The following ZFP91 variants were observed in gnomAD, a reference collection of about 807,000 sequenced individuals.
The protein encoded by ZFP91 is ZFP91 zinc finger protein, atypical E3 ubiquitin ligase.
A neutral mutation model predicts 63.5 loss-of-function variants in ZFP91; 7 were observed. The observed-to-expected ratio is 0.11, with a 90% CI of 0.06 to 0.21. The LOEUF is 0.21. ZFP91 is among the 10% of genes least tolerant of loss of function. The pLI is 1.00. For missense variants in ZFP91, 628 were observed against 736.6 expected (o/e 0.85, Z 1.71); for synonymous variants, 330 against 272.1 (o/e 1.21, Z -2.10).
chr11:58,582,409 G>C (rs1451080240), intron 1 of ZFP91, among the ~76,000 whole-genome samples: 1 of 152,154 alleles, frequency 6.6e-6, no homozygotes, highest in Non-Finnish European at 1.5e-5. Context: ...GGTTTATTCT[G>C]TATTACTTAC....
intron 2 of ZFP91, among the ~76,000 whole-genome samples, chr11:58,592,908 G>A (rs1416378893): frequency 1.3e-5 from 2 of 152,124 alleles, no homozygotes; most frequent in East Asian, 1.9e-4. Flanking sequence ...GGAAGCTTTC[G>A]CTTGTGGTGG....
At chr11:58,602,648 A>G (rs1011252373) in intron 2 of ZFP91, among the ~76,000 whole-genome samples, 4 of 152,210 alleles carry the variant, frequency 2.6e-5, no homozygotes, top group African/African-American at 9.6e-5. Context: ...TTGAAGTCTT[A>G]ACTCAGGTAC....
At position 58,612,756 on chromosome 11, in the gene ZFP91, T is replaced by C; in HGVS notation, c.909-6T>C. 1 of 1,601,064 alleles carries C rather than the reference T, an allele frequency of 6.2e-7. No individual in the cohort carries two copies. The highest frequency in any genetic ancestry group is 8.5e-7 in the Non-Finnish European group (1 of 1,175,918). ...TGCTAACTTTTCTTCTGCATTTTGA[T>C]AATAGAAAAAAGCCTCCAATCCAGT... On this transcript the variant is annotated splice_region_variant and splice_polypyrimidine_tract_variant and intron_variant, in intron 7 of 10. Transcript: ENST00000316059.
rs1470750361 is a variant in ZFP91 at position 58,611,679 on chromosome 11, A to G, written c.798A>G (p.Val266=). The part of the protein sequence containing the change: ...EKEKKEIKVE[V]EVEVKEEENE... ...AGAAGAAGGAAATTAAAGTGGAAGT[A>G]GAGGTGGAGGTGAAAGAAGAGGAGA... Residue 266 remains valine, a synonymous_variant, in exon 6 of 11, where the codon GTA becomes GTG. Transcript: ENST00000316059. The G allele has an allele frequency of 1.2e-6, 2 of 1,612,444 alleles. No individual in the cohort carries two copies. Among genetic ancestry groups the G allele is most frequent in the Non-Finnish European group, 1.7e-6 (2 of 1,179,176 alleles).
chr11:58,580,421 T>G (rs867874613), intron 1 of ZFP91, among the ~76,000 whole-genome samples: 7 of 152,226 alleles, frequency 4.6e-5, no homozygotes, highest in Non-Finnish European at 8.8e-5. Context: ...ATAATACTCA[T>G]GTTAAGAATA....
chr11:58,586,337 C>T (rs981322986), intron 2 of ZFP91, among the ~76,000 whole-genome samples: 16 of 152,096 alleles, frequency 1.1e-4, no homozygotes, highest in Admixed American at 3.3e-4. Context: ...TTTGGGTAGA[C>T]GTCTTTTTTT....
Position 58,579,294 on chromosome 11 carries a change from A to T in ZFP91, c.13A>T (p.Thr5Ser). The change falls in exon 1 of 11, where the codon ACG becomes TCG. Residue 5 changes from threonine (T) to serine (S), a missense_variant. By Grantham distance (58) the Thr-to-Ser change is moderately conservative. Coordinates refer to ENST00000316059, the MANE Select transcript of ZFP91 (RefSeq NM_053023.5). Reference sequence around the variant, plus strand: ...CGGACAAGCCCCGATGCCGGGGGAGACGGAAGAGCCGAGACCCCCGGAGCA... The same window carrying T: ...CGGACAAGCCCCGATGCCGGGGGAGTCGGAAGAGCCGAGACCCCCGGAGCA... MPGE[T>S]EEPRPPEQQD... The T allele has an allele frequency of 2.1e-6, 3 of 1,461,796 alleles. No homozygotes were observed. The highest frequency in any genetic ancestry group is 2.7e-6 in the Non-Finnish European group (3 of 1,114,106). The allele number at this position is 1,461,796 out of a possible 1,614,324, so 90.6% of individuals were successfully genotyped here. A position where few individuals can be genotyped will look rare whatever the true frequency, so the allele number is the denominator to read the frequency against.
chr11:58,612,469 A>G, intron 7 of ZFP91, 141 bp downstream of exon 7: 3 of 745,116 alleles, frequency 4.0e-6, no homozygotes, highest in Non-Finnish European at 6.6e-6. Flanking sequence ...TCCTAGATGC[A>G]CAGGTGTTAT....
At chr11:58,594,176 T>C (rs1434196432) in intron 2 of ZFP91, among the ~76,000 whole-genome samples, 3 of 152,206 alleles carry the variant, frequency 2.0e-5, no homozygotes, top group Non-Finnish European at 2.9e-5. Context: ...CTTGTTAGAC[T>C]TTTTTATGCC....
intron 2 of ZFP91, among the ~76,000 whole-genome samples, chr11:58,604,734 C>A (rs983550924): frequency 6.6e-6 from 1 of 152,192 alleles, no homozygotes; most frequent in East Asian, 1.9e-4. Flanking sequence ...ATTATGAGTT[C>A]TTTTTTAAAT....
rs1214970690 is a variant in ZFP91 at position 58,579,294 on chromosome 11, A to G, written c.13A>G (p.Thr5Ala). The change falls in exon 1 of 11, where the codon ACG becomes GCG. Residue 5 changes from threonine to alanine, a missense_variant. Physicochemically the swap from Thr to Ala is moderately conservative, Grantham distance 58. Transcript: ENST00000316059. ...CGGACAAGCCCCGATGCCGGGGGAG[A>G]CGGAAGAGCCGAGACCCCCGGAGCA... MPGE[T>A]EEPRPPEQQD... 17 of 1,461,682 alleles carry G rather than the reference A, an allele frequency of 1.2e-5. No homozygotes were observed. The highest frequency in any genetic ancestry group is 2.7e-5 in the Admixed American group (1 of 36,524). 90.5% of individuals were successfully genotyped at this position (1,461,682 alleles called of 1,614,324 possible).
intron 6 of ZFP91, 99 bp from the exon 7 acceptor site, chr11:58,612,179 T>A: frequency 8.1e-7 from 1 of 1,239,208 alleles, no homozygotes; most frequent in Non-Finnish European, 1.1e-6. Context: ...CTTTGCCACT[T>A]GTTCTTTGGC....
At chr11:58,597,481 C>A (rs948877975) in intron 2 of ZFP91, among the ~76,000 whole-genome samples, 4 of 152,156 alleles carry the variant, frequency 2.6e-5, no homozygotes, top group Non-Finnish European at 5.9e-5. Context: ...GAAGCTGTTT[C>A]TCCTATTATC....
At chr11:58,604,077 A>G (rs919807848) in intron 2 of ZFP91, among the ~76,000 whole-genome samples, 1 of 152,214 alleles carries the variant, frequency 6.6e-6, no homozygotes, top group African/African-American at 2.4e-5. Context: ...TTGGAAGGAC[A>G]TAAATTTTAG....
At chr11:58,613,681 GT>G (rs1855703916) in intron 8 of ZFP91, among the ~76,000 whole-genome samples, 1 of 152,010 alleles carries the variant, frequency 6.6e-6, no homozygotes, top group Admixed American at 6.6e-5. Flanking sequence ...TTTAGTTGAG[GT>G]TTTGTTTTTA....
At chr11:58,582,136 TAGAA>T (rs1855127719) in intron 1 of ZFP91, among the ~76,000 whole-genome samples, 2 of 152,128 alleles carry the variant, frequency 1.3e-5, no homozygotes, top group African/African-American at 4.8e-5. Flanking sequence ...AACTAGGTGG[TAGAA>T]AGAAAAATGA....
chr11:58,618,597 T>G lies in ZFP91; in HGVS notation c.*891T>G. ...TCTGATTTTTTTTTTTTGGAGTCTT[T>G]GTTGCTATATTTTGTGGGGCTGGGA... On this transcript the variant is annotated 3_prime_UTR_variant, in exon 11 of 11. Transcript: ENST00000316059. 1 of 426,540 alleles carries G rather than the reference T, an allele frequency of 2.3e-6. No individual in the cohort carries two copies. Among genetic ancestry groups the G allele is most frequent in the Admixed American group, 3.0e-5 (1 of 33,576 alleles). 26.4% of individuals were successfully genotyped at this position (426,540 alleles called of 1,614,324 possible).
In ZFP91 at chr11:58,579,625, G is replaced by T; in HGVS notation, c.341+3G>T. Reference sequence around the variant, plus strand: ...GGCAAGAAGAGTCCGCGACTCCTGTGAGTAACAGTCTTTCAGGCGGTGGGA... The same window carrying T: ...GGCAAGAAGAGTCCGCGACTCCTGTTAGTAACAGTCTTTCAGGCGGTGGGA... On this transcript the variant is annotated splice_donor_region_variant and intron_variant, in intron 1 of 10. Transcript: ENST00000316059. 6.4e-7 allele frequency: 1 copy of T among 1,557,744 alleles called. No individual in the cohort carries two copies. The highest frequency in any genetic ancestry group is 1.2e-5 in the South Asian group (1 of 85,732).
intron 2 of ZFP91, among the ~76,000 whole-genome samples, chr11:58,607,503 G>A (rs1855587820): frequency 6.6e-6 from 1 of 152,032 alleles, no homozygotes; most frequent in African/African-American, 2.4e-5. Context: ...TCAGATAGGA[G>A]GGTGATGCAA....
Sources: gnomAD v4.1 joint callset for allele counts (sites outside exome capture counted in the v4.1 genomes callset) on GRCh38, gnomAD v4.1.1 for gene constraint, MANE v1.5 for transcripts, NCBI Gene and HGNC (gene_info 2026-07-23, HGNC 2026-07-21) for gene names.